TTI2: variants seen among roughly 807,000 people sequenced by gnomAD.
TTI2 encodes TELO2 interacting protein 2.
TTI2 carries 26 observed loss-of-function variants against 44.9 expected under a neutral mutation model. The observed-to-expected ratio is 0.58, with a 90% CI of 0.42 to 0.80. The LOEUF is 0.80. TTI2 is among the 30% of genes least tolerant of loss of function. The pLI, the probability that TTI2 is intolerant of heterozygous loss-of-function variation, is 0.00. For missense variants in TTI2, 582 were observed against 611.6 expected, an observed-to-expected ratio of 0.95 and a Z score of 0.51; for synonymous variants, 254 against 250.9, an observed-to-expected ratio of 1.01 and a Z score of -0.12.
chr8:33,501,917 A>G (rs1029159601), intron 6 of TTI2, among the ~76,000 whole-genome samples: 1 of 152,020 alleles, frequency 6.6e-6, no homozygotes, highest in African/African-American at 2.4e-5. Context: ...TATATCCTAC[A>G]TTAGTATGCT....
intron 3 of TTI2, 91 bp downstream of exon 3, chr8:33,509,655 T>C: frequency 1.5e-6 from 2 of 1,295,946 alleles, no homozygotes; most frequent in Non-Finnish European, 2.2e-6. Flanking sequence ...ATAAGTAAAG[T>C]TGAATGACTT....
In TTI2 at chr8:33,511,977, C is replaced by A; in HGVS notation, c.637G>T (p.Asp213Tyr). 5 of 1,614,184 alleles carry A rather than the reference C, an allele frequency of 3.1e-6. No homozygotes were observed. The highest frequency in any genetic ancestry group is 4.2e-6 in the Non-Finnish European group (5 of 1,180,032). ...GGCAGGAGTACTCACTTATACAAGT[C>A]GGGTTTGAGAAGCCCTAGTATCACC... is the stretch of plus-strand genomic sequence containing the variant. ...LSVILGLLKP[D>Y]LYKESWKNNP... is the part of the protein sequence containing the mutation. The change falls in exon 2 of 8, where the codon GAC becomes TAC. Residue 213 changes from aspartate (D) to tyrosine (Y), a missense_variant. By Grantham distance (160) the Asp-to-Tyr change is radical. Coordinates refer to ENST00000431156, the MANE Select transcript of TTI2 (RefSeq NM_001102401.4).
chr8:33,511,354 T>C (rs1211816695), intron 2 of TTI2, among the ~76,000 whole-genome samples: 1 of 152,090 alleles, frequency 6.6e-6, no homozygotes, highest in African/African-American at 2.4e-5. Flanking sequence ...CATTTTGTAA[T>C]TATTAACTCC....
chr8:33,504,035 T>C, intron 4 of TTI2, 100 bp from the exon 5 acceptor site: 1 of 1,259,776 alleles, frequency 7.9e-7, no homozygotes, highest in Non-Finnish European at 1.1e-6. Flanking sequence ...GTCCTTAGGG[T>C]CCATACCAGA....
At chr8:33,505,494 T>C (rs1563353019) in intron 4 of TTI2, among the ~76,000 whole-genome samples, 1 of 151,530 alleles carries the variant, frequency 6.6e-6, no homozygotes, top group East Asian at 1.9e-4. Context: ...CCTTTTTTTT[T>C]TCTTTTTTTT....
In TTI2 at chr8:33,504,420, C is replaced by T. The variant is rs183897898; in HGVS notation, c.928-485G>A. On this transcript the variant is annotated intron_variant, in intron 4 of 7. Transcript: ENST00000431156. ...CAAGCGATTCTCGTGCCTCAGCCACCTAACTAGTTGGGACTACAGGTGTGC... is the reference window on the plus strand; with the variant it reads ...CAAGCGATTCTCGTGCCTCAGCCACTTAACTAGTTGGGACTACAGGTGTGC... 8.3e-4 allele frequency among the ~76,000 whole-genome samples: 125 copies of T among 150,752 alleles called. 3 individuals are homozygous for T. Among genetic ancestry groups the T allele is most frequent in the Admixed American group, 5.7e-3 (85 of 14,976 alleles).
At chr8:33,503,721 A>G (rs1268597233) in intron 5 of TTI2, 27 bp downstream of exon 5, 12 of 1,611,678 alleles carry the variant, frequency 7.4e-6, no homozygotes, top group Non-Finnish European at 1.0e-5. Context: ...GTATAAAATA[A>G]TAATAAATAA....
At position 33,512,401 on chromosome 8, in the gene TTI2, A is replaced by AG; in HGVS notation, c.212dup (p.Gly72TrpfsTer33). On this transcript the variant is annotated frameshift_variant, in exon 2 of 8. Transcript: ENST00000431156. LOFTEE classifies it high-confidence loss of function. ...CCGGCATTCCGCGGAGCCGTGCACCAGTCCCCTCAAATAACCTATCAAATT... is the reference window on the plus strand; with the variant it reads ...CCGGCATTCCGCGGAGCCGTGCACCAGGTCCCCTCAAATAACCTATCAAATT... 1 of 1,614,090 alleles carries AG rather than the reference A, an allele frequency of 6.2e-7. No homozygotes were observed. Among genetic ancestry groups the AG allele is most frequent in the East Asian group, 2.2e-5 (1 of 44,882 alleles).
At chr8:33,507,353 A>T in intron 3 of TTI2, 32 bp from the exon 4 acceptor site, 1 of 1,595,936 alleles carries the variant, frequency 6.3e-7, no homozygotes, top group Non-Finnish European at 8.6e-7. Flanking sequence ...AATTAAAAGA[A>T]TAGTTTCCCA....
At position 33,503,561 on chromosome 8, in the gene TTI2, A is replaced by G. The variant is rs766391051; in HGVS notation, c.1127T>C (p.Leu376Pro). The G allele has an allele frequency of 6.2e-7, 1 of 1,614,040 alleles. No individual in the cohort carries two copies. Among genetic ancestry groups the G allele is most frequent in the South Asian group, 1.1e-5 (1 of 91,078 alleles). Residue 376 changes from leucine (L) to proline (P), a missense_variant, in exon 6 of 8, where the codon CTA (leucine) becomes CCA (proline). Transcript: ENST00000431156. Reference sequence around the variant, plus strand: ...CAGCCTCTTTAAGTGCCGGACAGTTAGGATCCCCAACCTAAAGATGAAAGA... The same window carrying G: ...CAGCCTCTTTAAGTGCCGGACAGTTGGGATCCCCAACCTAAAGATGAAAGA... Reference protein sequence around the residue: ...LPAFVNRLGILTVRHLKRLER... With the variant: ...LPAFVNRLGIPTVRHLKRLER...
rs368851221 is a variant in TTI2 at position 33,498,733 on chromosome 8, G to A, written c.*440C>T. On this transcript the variant is annotated 3_prime_UTR_variant, in exon 8 of 8. Transcript: ENST00000431156. ...CCTCCAGTTTTTGCTCTTTTGTGTTGTACTGAACACAATATTTGTGTTTTT... is the reference window on the plus strand; with the variant it reads ...CCTCCAGTTTTTGCTCTTTTGTGTTATACTGAACACAATATTTGTGTTTTT... The A allele has an allele frequency of 5.5e-6, 5 of 913,402 alleles. No homozygotes were observed. In the South Asian group the frequency reaches 8.6e-5, roughly 16 times the overall value. The allele number at this position is 913,402 out of a possible 1,614,324, so 56.6% of individuals were successfully genotyped here.
intron 2 of TTI2, 47 bp from the exon 3 acceptor site, chr8:33,509,979 C>CA (rs10588315): frequency 0.057 from 23,704 of 413,066 alleles, 140 homozygotes; most frequent in South Asian, 0.096. Flanking sequence ...TGATAAGTAG[C>CA]AAAAAAAAAA....
Position 33,512,312 on chromosome 8 carries a change from C to T in TTI2, c.302G>A (p.Gly101Asp). Residue 101 changes from glycine (G) to aspartate (D), a missense_variant, in exon 2 of 8, where the codon GGT (glycine) becomes GAT (aspartate). Transcript: ENST00000431156. ...KYAAPSKEEE[G>D]GGDGHSEAAE... ...CGCTTCGGAGTGCCCATCACCTCCA[C>T]CTTCCTCCTCCTTGGAGGGGGCTGC... The T allele has an allele frequency of 1.2e-6, 2 of 1,614,208 alleles. No homozygotes were observed. The highest frequency in any genetic ancestry group is 1.1e-5 in the South Asian group (1 of 91,088).
At position 33,498,961 on chromosome 8, in the gene TTI2, T is replaced by G. The variant is rs1348074517; in HGVS notation, c.*212A>C. 35 of 594,684 alleles carry G rather than the reference T, an allele frequency of 5.9e-5. No individual in the cohort carries two copies. Among genetic ancestry groups the G allele is most frequent in the Non-Finnish European group, 9.8e-5 (33 of 338,374 alleles). The allele number at this position is 594,684 out of a possible 1,614,324, so 36.8% of individuals were successfully genotyped here. A position where few individuals can be genotyped will look rare whatever the true frequency, so the allele number is the denominator to read the frequency against. ...ATGCTACATTACTTGGTGTCCTTTT[T>G]TCTCCCAAACTTTATTTAGAAATGG... On this transcript the variant is annotated 3_prime_UTR_variant, in exon 8 of 8. Coordinates refer to ENST00000431156, the MANE Select transcript of TTI2 (RefSeq NM_001102401.4).
In TTI2 at chr8:33,503,533, C is replaced by T; in HGVS notation, c.1155G>A (p.Glu385=). 1 of 1,614,116 alleles carries T rather than the reference C, an allele frequency of 6.2e-7. No homozygotes were observed. Residue 385 remains glutamate, a synonymous_variant, in exon 6 of 8, where the codon GAG becomes GAA. Coordinates refer to ENST00000431156, the MANE Select transcript of TTI2 (RefSeq NM_001102401.4). The stretch of plus-strand genomic sequence containing the variant: ...CCTCCAGATAACCAATGATGACTCT[C>T]TCCAGCCTCTTTAAGTGCCGGACAG... ...ILTVRHLKRL[E]RVIIGYLEVY...
At chr8:33,503,989 T>C in intron 4 of TTI2, 54 bp from the exon 5 acceptor site, 12 of 1,577,564 alleles carry the variant, frequency 7.6e-6, no homozygotes, top group Non-Finnish European at 1.0e-5. Context: ...GCATTTACAA[T>C]ACTCACTGAC....
Position 33,507,307 on chromosome 8 carries a change from C to T in TTI2, c.849G>A (p.Leu283=), listed in dbSNP as rs757438196. Residue 283 remains leucine, a synonymous_variant, in exon 4 of 8, where the codon TTG becomes TTA. Transcript: ENST00000431156. The stretch of plus-strand genomic sequence containing the variant: ...GGACCTGGGCTCTGTTATACTGGAG[C>T]AAATCAGCAGCTGGCTGCAACCAGA... ...HIVLNVPAAD[L]LQYNRAQVLY... is the part of the protein sequence containing the mutation. The T allele has an allele frequency of 1.9e-6, 3 of 1,614,092 alleles. No individual in the cohort carries two copies. The highest frequency in any genetic ancestry group is 4.5e-5 in the East Asian group (2 of 44,870).
intron 2 of TTI2, among the ~76,000 whole-genome samples, chr8:33,511,320 G>A (rs1809519376): frequency 6.6e-6 from 1 of 152,036 alleles, no homozygotes; most frequent in African/African-American, 2.4e-5. Context: ...TGGGACTACA[G>A]GAGTGAGCCA....
intron 3 of TTI2, 106 bp from the exon 4 acceptor site, chr8:33,507,427 A>T: frequency 1.1e-6 from 1 of 883,296 alleles, no homozygotes; most frequent in Non-Finnish European, 1.9e-6. Context: ...AGAACATGCC[A>T]TCCCAAAATA....
Sources: gnomAD v4.1 joint callset for allele counts (sites outside exome capture counted in the v4.1 genomes callset) on GRCh38, gnomAD v4.1.1 for gene constraint, MANE v1.5 for transcripts, NCBI Gene and HGNC (gene_info 2026-07-23, HGNC 2026-07-21) for gene names.